Variants in PCDHA12 observed in about 807,000 individuals in gnomAD.
The protein encoded by PCDHA12 is protocadherin alpha 12.
Under a neutral mutation model 60.0 loss-of-function variants are expected in PCDHA12, and 44 were observed. The observed-to-expected ratio is 0.73, with a 90% CI of 0.58 to 0.94. PCDHA12 has a LOEUF of 0.94. Ranked by LOEUF, PCDHA12 falls within the 40% of genes least tolerant of loss-of-function variation. PCDHA12 has a pLI of 0.00. For synonymous variants in PCDHA12, 569 were observed against 553.0 expected, an observed-to-expected ratio of 1.03 and a Z score of -0.40; for missense variants, 1,276 against 1,239.7, an observed-to-expected ratio of 1.03 and a Z score of -0.44.
chr5:140,934,706 T>G (rs141577289), intron 1 of PCDHA12, among the ~76,000 whole-genome samples: 348 of 152,292 alleles, frequency 2.3e-3, no homozygotes, highest in African/African-American at 8.1e-3. Context: ...CCTGGCCATC[T>G]TACAAAAAGG....
chr5:140,910,411 A>C (rs1554194248), intron 1 of PCDHA12, among the ~76,000 whole-genome samples: 2 of 152,062 alleles, frequency 1.3e-5, no homozygotes, highest in African/African-American at 4.8e-5. Flanking sequence ...CCACCTCGAG[A>C]TCCAATTATT....
intron 1 of PCDHA12, chr5:140,929,578 TA>T: frequency 2.2e-6 from 1 of 445,404 alleles, no homozygotes; most frequent in Non-Finnish European, 4.0e-6. Flanking sequence ...ATAAAAGTAA[TA>T]TGACATAAAG....
chr5:140,882,374 C>G, intron 1 of PCDHA12: 1 of 1,614,186 alleles, frequency 6.2e-7, no homozygotes, highest in Non-Finnish European at 8.5e-7. Context: ...CTACTCCGTC[C>G]CCGAGGAAGC....
chr5:140,918,955 T>G lies in PCDHA12; in HGVS notation c.2367+41116T>G, dbSNP rs904506594. Among the ~76,000 whole-genome samples, 3 of 152,258 alleles carry G rather than the reference T, an allele frequency of 2.0e-5. 1 individual carries two copies. Among genetic ancestry groups the G allele is most frequent in the African/African-American group, 7.2e-5 (3 of 41,472 alleles). ...TTTTGTTATAATATCCTGAACAGAC[T>G]AAGACAGATATCGTTTAGGTTAGTT... On this transcript the variant is annotated intron_variant, in intron 1 of 3. Transcript: ENST00000398631.
intron 1 of PCDHA12, among the ~76,000 whole-genome samples, chr5:140,939,276 C>T (rs146183157): frequency 6.6e-6 from 1 of 152,174 alleles, no homozygotes; most frequent in Non-Finnish European, 1.5e-5. Flanking sequence ...GAGAGCTGTG[C>T]CCTCGTGATC....
chr5:140,992,789 T>G (rs2097528439), intron 3 of PCDHA12, among the ~76,000 whole-genome samples: 1 of 152,148 alleles, frequency 6.6e-6, no homozygotes, highest in Admixed American at 6.5e-5. Flanking sequence ...AGGGTCAATT[T>G]TATGGATCCA....
intron 1 of PCDHA12, among the ~76,000 whole-genome samples, chr5:140,893,581 T>C (rs1224207477): frequency 1.3e-5 from 2 of 152,216 alleles, no homozygotes; most frequent in African/African-American, 4.8e-5. Context: ...TTTTTGCTTG[T>C]TTGGGAAATA....
intron 1 of PCDHA12, chr5:140,929,315 T>C: frequency 6.4e-7 from 1 of 1,559,382 alleles, no homozygotes; most frequent in African/African-American, 1.4e-5. Context: ...CACGCTAATG[T>C]CAATGCCATG....
At chr5:140,946,241 T>A (rs797039382) in intron 1 of PCDHA12, among the ~76,000 whole-genome samples, 5 of 152,044 alleles carry the variant, frequency 3.3e-5, no homozygotes, top group African/African-American at 1.2e-4. Context: ...ATGCTCAACA[T>A]CATGAATCAT....
chr5:140,966,929 G>A (rs944732818), intron 1 of PCDHA12: 2 of 1,603,460 alleles, frequency 1.2e-6, no homozygotes, highest in African/African-American at 1.3e-5. Flanking sequence ...GCAGGCACCC[G>A]GCGCGCTCGT....
intron 1 of PCDHA12, among the ~76,000 whole-genome samples, chr5:140,933,279 C>T (rs992723234): frequency 6.6e-6 from 1 of 151,840 alleles, no homozygotes; most frequent in African/African-American, 2.4e-5. Flanking sequence ...TCATTTGGAA[C>T]TTGTTTTGGA....
At chr5:140,893,498 A>G (rs1471386820) in intron 1 of PCDHA12, among the ~76,000 whole-genome samples, 2 of 151,410 alleles carry the variant, frequency 1.3e-5, no homozygotes, top group Admixed American at 6.6e-5. Flanking sequence ...CACAAAAAAG[A>G]AAAAAAAAGC....
At chr5:140,886,288 A>G (rs1227734409) in intron 1 of PCDHA12, among the ~76,000 whole-genome samples, 4 of 151,870 alleles carry the variant, frequency 2.6e-5, no homozygotes, top group Middle Eastern at 3.2e-3. Flanking sequence ...AATTATTTTT[A>G]TATTTATTTA....
intron 1 of PCDHA12, chr5:140,927,933 C>T (rs1273187123): frequency 1.9e-6 from 3 of 1,614,090 alleles, no homozygotes; most frequent in African/African-American, 2.7e-5. Context: ...CTCTTTCGAA[C>T]CCAGTACCTG....
chr5:140,882,929 G>A, intron 1 of PCDHA12: 1 of 1,614,160 alleles, frequency 6.2e-7, no homozygotes, highest in Non-Finnish European at 8.5e-7. Context: ...AGGTAAACCC[G>A]AGCTGACTGG....
chr5:140,976,644 A>G (rs1487728765), intron 1 of PCDHA12, among the ~76,000 whole-genome samples: 1 of 152,228 alleles, frequency 6.6e-6, no homozygotes, highest in Admixed American at 6.5e-5. Context: ...CAGACAAGTA[A>G]TTTAATCTCT....
intron 1 of PCDHA12, chr5:140,884,314 G>T: frequency 6.2e-7 from 1 of 1,613,760 alleles, no homozygotes. Context: ...CGTCGAGGGC[G>T]TCGGCAGGCG....
chr5:140,929,499 C>A, intron 1 of PCDHA12: 2 of 980,262 alleles, frequency 2.0e-6, no homozygotes, highest in Non-Finnish European at 2.8e-6. Context: ...GAAGATTGCC[C>A]TAGGCCTCAA....
At chr5:140,899,894 A>G (rs2067617727) in intron 1 of PCDHA12, among the ~76,000 whole-genome samples, 1 of 151,938 alleles carries the variant, frequency 6.6e-6, no homozygotes, top group African/African-American at 2.4e-5. Context: ...TGCAGCCTTG[A>G]CATCCTGGGC....
Sources: allele counts gnomAD v4.1 joint callset (sites outside exome capture counted in the v4.1 genomes callset), GRCh38; gene constraint gnomAD v4.1.1; transcripts MANE v1.5; gene names NCBI Gene and HGNC (gene_info 2026-07-23, HGNC 2026-07-21).